Variants in EIF2AK2 observed in about 807,000 individuals in gnomAD.
EIF2AK2 encodes eukaryotic translation initiation factor 2 alpha kinase 2, also known as interferon-induced, double-stranded RNA-activated protein kinase.
A neutral mutation model predicts 70.5 loss-of-function variants in EIF2AK2; 40 were observed. The ratio of observed to expected loss-of-function variants is 0.57; its 90% CI spans 0.44 to 0.74. The LOEUF (loss-of-function observed/expected upper bound fraction) is 0.74. Ranked by LOEUF, EIF2AK2 falls within the 30% of genes least tolerant of loss-of-function variation. The pLI, the probability that EIF2AK2 is intolerant of heterozygous loss-of-function variation, is 0.00. For missense variants in EIF2AK2, 555 were observed against 644.3 expected (o/e 0.86, Z 1.50); for synonymous variants, 198 against 220.9 (o/e 0.90, Z 0.92).
chr2:37,147,045 T>A, intron 3 of EIF2AK2, 72 bp from the exon 4 acceptor site: 1 of 1,433,698 alleles, frequency 7.0e-7, no homozygotes, highest in Non-Finnish European at 9.4e-7. Flanking sequence ...ACTCTAGTCA[T>A]CACTACCTCC....
At position 37,122,549 on chromosome 2, in the gene EIF2AK2, C is replaced by CA; in HGVS notation, c.1023dup (p.Glu342Ter). The CA allele has an allele frequency of 6.2e-7, 1 of 1,614,148 alleles. No individual in the cohort carries two copies. The highest frequency in any genetic ancestry group is 8.5e-7 in the Non-Finnish European group (1 of 1,180,040). ...TTCTCAGGATCATAATCACTGCTCT[C>CA]AAGAGAATCATCACTGGTCTCAGGA... On this transcript the variant is annotated frameshift_variant, in exon 12 of 17. Transcript: ENST00000233057. LOFTEE classifies it high-confidence loss of function.
At chr2:37,149,271 A>G in intron 1 of EIF2AK2, 1 of 1,055,622 alleles carries the variant, frequency 9.5e-7, no homozygotes, top group Non-Finnish European at 1.5e-6. Context: ...AAATTGAAGG[A>G]GGAGAAATAA....
At chr2:37,144,258 A>G (rs984103421) in intron 4 of EIF2AK2, among the ~76,000 whole-genome samples, 4 of 151,956 alleles carry the variant, frequency 2.6e-5, no homozygotes, top group Admixed American at 6.6e-5. Flanking sequence ...AGTCTAGCAC[A>G]CACAATTATG....
intron 1 of EIF2AK2, among the ~76,000 whole-genome samples, chr2:37,151,795 T>C (rs1344517921): frequency 6.6e-6 from 1 of 152,244 alleles, no homozygotes; most frequent in African/African-American, 2.4e-5. Context: ...ACAACATGGA[T>C]AGGCCAGGCG....
Position 37,146,850 on chromosome 2 carries a change from C to A in EIF2AK2, c.240+3G>T, listed in dbSNP as rs751744823. 6.2e-7 allele frequency: 1 copy of A among 1,608,530 alleles called. No homozygotes were observed. Among genetic ancestry groups the A allele is most frequent in the Non-Finnish European group, 8.5e-7 (1 of 1,178,654 alleles). ...TTTATTAGGAAAAAAGGCAATCACT[C>A]ACCTTCTTTTCCTTATTAAGTATCT... is the stretch of plus-strand genomic sequence containing the variant. On this transcript the variant is annotated splice_donor_region_variant and intron_variant, in intron 4 of 16. Coordinates refer to ENST00000233057, the MANE Select transcript of EIF2AK2 (RefSeq NM_001135651.3).
intron 10 of EIF2AK2, among the ~76,000 whole-genome samples, chr2:37,131,039 A>G (rs761911953): frequency 4.6e-5 from 7 of 152,212 alleles, no homozygotes; most frequent in Admixed American, 1.3e-4. Flanking sequence ...TAAGACAAAA[A>G]GGGACTTATT....
At chr2:37,111,423 G>A (rs1267306231) in intron 14 of EIF2AK2, among the ~76,000 whole-genome samples, 2 of 148,606 alleles carry the variant, frequency 1.3e-5, no homozygotes, top group African/African-American at 2.5e-5. Context: ...TCTTCAGATG[G>A]AGTCTCATTC....
chr2:37,116,802 T>G (rs1384433582), intron 13 of EIF2AK2, among the ~76,000 whole-genome samples: 1 of 152,234 alleles, frequency 6.6e-6, no homozygotes, highest in Non-Finnish European at 1.5e-5. Context: ...TAGTCCCACA[T>G]AAGGCTATCA....
chr2:37,122,073 C>T (rs892786523), intron 12 of EIF2AK2, among the ~76,000 whole-genome samples: 1 of 152,198 alleles, frequency 6.6e-6, no homozygotes, highest in African/African-American at 2.4e-5. Flanking sequence ...CAAAGAGACC[C>T]TCTGACGGCA....
At chr2:37,151,286 G>A (rs1031742001) in intron 1 of EIF2AK2, among the ~76,000 whole-genome samples, 1 of 151,934 alleles carries the variant, frequency 6.6e-6, no homozygotes, top group South Asian at 2.1e-4. Flanking sequence ...AGGCAAAGGG[G>A]CTTGAACAGA....
chr2:37,124,451 A>G (rs1379549590), intron 11 of EIF2AK2, among the ~76,000 whole-genome samples: 1 of 152,124 alleles, frequency 6.6e-6, no homozygotes, highest in East Asian at 1.9e-4. Flanking sequence ...TAGTAGAGAC[A>G]GAGTTTCACC....
intron 10 of EIF2AK2, among the ~76,000 whole-genome samples, chr2:37,126,967 G>GAAAAAAAAAAAAAAAAAAA (rs57802509): frequency 3.8e-5 from 2 of 52,156 alleles, no homozygotes; most frequent in Non-Finnish European, 6.7e-5. Context: ...CAAAAAAACA[G>GAAAAAAAAAAAAAAAAAAA]AAAAAAAAAA....
At chr2:37,108,778 C>G (rs1674049142) in intron 15 of EIF2AK2, among the ~76,000 whole-genome samples, 1 of 152,186 alleles carries the variant, frequency 6.6e-6, no homozygotes, top group Non-Finnish European at 1.5e-5. Flanking sequence ...CCACGTTGGC[C>G]AGGCTGGTCT....
chr2:37,153,260 T>C (rs1675808037), intron 1 of EIF2AK2, among the ~76,000 whole-genome samples: 1 of 151,638 alleles, frequency 6.6e-6, no homozygotes, highest in African/African-American at 2.4e-5. Flanking sequence ...TCCACAACTC[T>C]TAATCTTTCC....
At chr2:37,143,484 C>G (rs79323319) in intron 4 of EIF2AK2, among the ~76,000 whole-genome samples, 4,500 of 152,248 alleles carry the variant, frequency 0.03, 96 homozygotes, top group Middle Eastern at 0.054. Flanking sequence ...TCCCTGGATT[C>G]AACCAATCAT....
At chr2:37,142,139 T>A (rs547336225) in intron 4 of EIF2AK2, among the ~76,000 whole-genome samples, 16 of 151,884 alleles carry the variant, frequency 1.1e-4, no homozygotes, top group South Asian at 6.2e-4. Context: ...GATATTTTTT[T>A]AATTTTTTTC....
In EIF2AK2 at chr2:37,136,996, TTTGA is replaced by T. The variant is rs765733776; in HGVS notation, c.705_708del (p.Asn235LysfsTer17). On this transcript the variant is annotated frameshift_variant, in exon 9 of 17. Transcript: ENST00000233057. LOFTEE classifies it high-confidence loss of function. ...AATGATACTCACCTTTTTGCCTTCC[TTTGA>T]TTATTTCTGAGACCATTCTATAACA... 4 of 1,604,582 alleles carry T rather than the reference TTTGA, an allele frequency of 2.5e-6. No individual in the cohort carries two copies. Among genetic ancestry groups the T allele is most frequent in the Non-Finnish European group, 2.5e-6 (3 of 1,176,544 alleles).
chr2:37,116,536 A>C (rs1674347538), intron 13 of EIF2AK2, among the ~76,000 whole-genome samples: 1 of 152,240 alleles, frequency 6.6e-6, no homozygotes, highest in South Asian at 2.1e-4. Context: ...CTACCTAGTA[A>C]GGACCTAAGA....
intron 11 of EIF2AK2, among the ~76,000 whole-genome samples, chr2:37,125,377 C>T (rs1674695202): frequency 6.6e-6 from 1 of 152,206 alleles, no homozygotes; most frequent in African/African-American, 2.4e-5. Context: ...TATTTGGCCT[C>T]CCCTTGAATC....
Sources: allele counts gnomAD v4.1 joint callset (sites outside exome capture counted in the v4.1 genomes callset), GRCh38; gene constraint gnomAD v4.1.1; transcripts MANE v1.5; gene names NCBI Gene and HGNC (gene_info 2026-07-23, HGNC 2026-07-21).